MACC1: variants seen among roughly 807,000 people sequenced by gnomAD.
MACC1 encodes the protein MET transcriptional regulator MACC1.
A neutral mutation model predicts 70.7 loss-of-function variants in MACC1; 79 were observed. The ratio of observed to expected loss-of-function variants is 1.12; its 90% CI spans 0.93 to 1.35. The LOEUF is 1.35. MACC1 is among the 40% of genes most tolerant of loss of function. The probability of loss-of-function intolerance (pLI) is 0.00; values close to 1 mark genes in which losing one functional copy is unlikely to be tolerated. For synonymous variants in MACC1, 361 were observed against 347.2 expected (o/e 1.04, Z -0.44); for missense variants, 1,106 against 978.1 (o/e 1.13, Z -1.74).
intron 1 of MACC1, among the ~76,000 whole-genome samples, chr7:20,206,750 G>A (rs367862304): frequency 3.0e-4 from 45 of 152,300 alleles, no homozygotes; most frequent in African/African-American, 1.1e-3. Flanking sequence ...GTATGTCAAA[G>A]TTGGCCAACG....
chr7:20,155,194 C>T (rs1782037841), intron 5 of MACC1, among the ~76,000 whole-genome samples: 2 of 152,178 alleles, frequency 1.3e-5, no homozygotes, highest in Admixed American at 6.5e-5. Flanking sequence ...CTTCTTTGTT[C>T]AAATGAGCAA....
chr7:20,171,603 A>G (rs532055166), intron 1 of MACC1, among the ~76,000 whole-genome samples: 189 of 116,024 alleles, frequency 1.6e-3, no homozygotes, highest in Non-Finnish European at 2.6e-3. Context: ...TTTTTTTGAG[A>G]TGGAGTCTCG....
At chr7:20,196,800 G>T (rs908901787) in intron 1 of MACC1, among the ~76,000 whole-genome samples, 2 of 152,016 alleles carry the variant, frequency 1.3e-5, no homozygotes, top group African/African-American at 4.8e-5. Flanking sequence ...AAAAAAATAA[G>T]GTTGAAAAAT....
intron 1 of MACC1, among the ~76,000 whole-genome samples, chr7:20,204,430 C>G (rs184490642): frequency 2.0e-5 from 3 of 152,150 alleles, no homozygotes; most frequent in Non-Finnish European, 2.9e-5. Flanking sequence ...CTGGATTATA[C>G]GCATGAGCCA....
rs1357205341 is a variant in MACC1, at chr7:20,134,657, T to C, written c.*6289A>G. ...AATAACTTAATCATAACTAAAGATTTGATTTTTCAATGACTCACTCTATTT... is the reference window on the plus strand; with the variant it reads ...AATAACTTAATCATAACTAAAGATTCGATTTTTCAATGACTCACTCTATTT... On this transcript the variant is annotated 3_prime_UTR_variant, in exon 7 of 7. Coordinates refer to ENST00000400331, the MANE Select transcript of MACC1 (RefSeq NM_182762.4). 6.6e-6 allele frequency: 1 copy of C among 152,216 alleles called. No homozygotes were observed. Among genetic ancestry groups the C allele is most frequent in the African/African-American group, 2.4e-5 (1 of 41,460 alleles). The allele number at this position is 152,216 out of a possible 1,614,324, so 9.4% of individuals were successfully genotyped here. A position where few individuals can be genotyped will look rare whatever the true frequency, so the allele number is the denominator to read the frequency against.
intron 1 of MACC1, among the ~76,000 whole-genome samples, chr7:20,192,995 T>C (rs761371034): frequency 3.9e-5 from 6 of 152,230 alleles, no homozygotes; most frequent in Non-Finnish European, 8.8e-5. Context: ...TAGCGATTTA[T>C]GTTTATAATT....
intron 1 of MACC1, among the ~76,000 whole-genome samples, chr7:20,187,224 G>C (rs1025360462): frequency 1.3e-5 from 2 of 151,920 alleles, no homozygotes. Context: ...TTCATATTAA[G>C]ATATTATTTT....
At chr7:20,165,710 T>G (rs1423162264) in intron 2 of MACC1, among the ~76,000 whole-genome samples, 1 of 152,220 alleles carries the variant, frequency 6.6e-6, no homozygotes, top group Non-Finnish European at 1.5e-5. Context: ...TTTTTTACTT[T>G]ATCTAGAGAA....
intron 1 of MACC1, among the ~76,000 whole-genome samples, chr7:20,196,589 T>TTA (rs927637177): frequency 3.7e-4 from 56 of 151,638 alleles, no homozygotes; most frequent in Admixed American, 1.6e-3. Context: ...CCGGCCCATT[T>TTA]TATATATATA....
Position 20,140,597 on chromosome 7 carries a change from AAG to A in MACC1, c.*347_*348del. ...CTTAGTAAATTTAAAATAACACTGA[AAG>A]AGAGAGAGGGCACTTTTCTTTTTTC... On this transcript the variant is annotated 3_prime_UTR_variant, in exon 7 of 7. Transcript: ENST00000400331. 5.4e-6 allele frequency: 1 copy of A among 186,468 alleles called. No homozygotes were observed. Among genetic ancestry groups the A allele is most frequent in the South Asian group, 1.9e-4 (1 of 5,290 alleles). The allele number at this position is 186,468 out of a possible 1,614,324, so 11.6% of individuals were successfully genotyped here.
At chr7:20,215,371 T>A (rs536785480) in intron 1 of MACC1, among the ~76,000 whole-genome samples, 24 of 152,264 alleles carry the variant, frequency 1.6e-4, no homozygotes, top group African/African-American at 5.3e-4. Flanking sequence ...TTGCTAGAAA[T>A]CTTTGTCAAT....
At chr7:20,166,491 G>C (rs888877445) in intron 2 of MACC1, among the ~76,000 whole-genome samples, 4 of 152,186 alleles carry the variant, frequency 2.6e-5, no homozygotes, top group African/African-American at 9.7e-5. Context: ...GGCACTCTCT[G>C]ATTGGTAATT....
At chr7:20,181,677 TAA>T (rs2128105942) in intron 1 of MACC1, among the ~76,000 whole-genome samples, 1 of 152,258 alleles carries the variant, frequency 6.6e-6, no homozygotes, top group South Asian at 2.1e-4. Context: ...ATACCACAAT[TAA>T]TGATAAAATA....
chr7:20,171,510 TC>T (rs1464925536), intron 1 of MACC1, among the ~76,000 whole-genome samples: 2 of 152,022 alleles, frequency 1.3e-5, no homozygotes, highest in East Asian at 3.9e-4. Context: ...TGCCTCGGCC[TC>T]CCAAAGTGCT....
At chr7:20,157,154 T>A (rs1782066840) in intron 5 of MACC1, among the ~76,000 whole-genome samples, 1 of 152,234 alleles carries the variant, frequency 6.6e-6, no homozygotes, top group Admixed American at 6.5e-5. Flanking sequence ...ATACTAGCTA[T>A]ACTTACCCCA....
At chr7:20,190,700 C>T (rs1782659953) in intron 1 of MACC1, among the ~76,000 whole-genome samples, 1 of 152,174 alleles carries the variant, frequency 6.6e-6, no homozygotes, top group Non-Finnish European at 1.5e-5. Flanking sequence ...AGGTTTTCAT[C>T]ACAAGCTCTT....
intron 3 of MACC1, among the ~76,000 whole-genome samples, chr7:20,162,087 C>A (rs1036266665): frequency 2.0e-5 from 3 of 151,936 alleles, no homozygotes; most frequent in Non-Finnish European, 4.4e-5. Context: ...ATACCAATAA[C>A]CAAATCTGGA....
chr7:20,155,484 T>TA (rs2128102122), intron 5 of MACC1, among the ~76,000 whole-genome samples: 1 of 152,318 alleles, frequency 6.6e-6, no homozygotes, highest in East Asian at 1.9e-4. Flanking sequence ...CAAAATACCT[T>TA]ATTGTACTCT....
chr7:20,147,651 G>A (rs1432408874), intron 6 of MACC1: 1 of 152,086 alleles, frequency 6.6e-6, no homozygotes. Context: ...CATATCTGGG[G>A]GCCCCTATGT....
Sources: gnomAD v4.1 joint callset for allele counts (sites outside exome capture counted in the v4.1 genomes callset) on GRCh38, gnomAD v4.1.1 for gene constraint, MANE v1.5 for transcripts, NCBI Gene and HGNC (gene_info 2026-07-23, HGNC 2026-07-21) for gene names.